USP35: variants seen among roughly 807,000 people sequenced by gnomAD.
USP35 encodes ubiquitin carboxyl-terminal hydrolase 35.
USP35 carries 69 observed loss-of-function variants against 83.8 expected under a neutral mutation model. The ratio of observed to expected loss-of-function variants is 0.82; its 90% confidence interval spans 0.68 to 1.01. The LOEUF is 1.01. Ranked by LOEUF, USP35 falls within the 50% of genes least tolerant of loss-of-function variation. The pLI is 0.00. For missense variants in USP35, 1,503 were observed against 1,362.5 expected (o/e 1.10, Z -1.62); for synonymous variants, 714 against 589.5 (o/e 1.21, Z -3.06).
downstream of USP35, chr11:78,216,365 G>A (rs892991887): frequency 5.3e-5 from 8 of 152,172 alleles, no homozygotes; most frequent in African/African-American, 1.9e-4. Flanking sequence ...AGGAGAGGTG[G>A]ACTTTGACCC....
the USP35 span, among the ~76,000 whole-genome samples, chr11:78,231,652 C>T: frequency 6.6e-6 from 1 of 152,168 alleles, no homozygotes; most frequent in Admixed American, 6.5e-5. Context: ...CCGGCCTTCC[C>T]TTGGCTTTTA....
Position 78,196,078 on chromosome 11 carries a change from C to T in USP35, c.-10-158C>T, listed in dbSNP as rs1473568919. On this transcript the variant is annotated intron_variant, in intron 1 of 10. Transcript: ENST00000529308. The surrounding 1 kb of genome is among the most constrained non-coding windows in gnomAD (Gnocchi z 4.8). ...TGTGCTTTATTTCATCAGGATAGCT[C>T]TCAGTGAAATGACGCCCTTGCCCCA... Among the ~76,000 whole-genome samples, 1 of 152,190 alleles carries T rather than the reference C, an allele frequency of 6.6e-6. No individual in the cohort carries two copies. The highest frequency in any genetic ancestry group is 2.4e-5 in the African/African-American group (1 of 41,446).
intron 1 of USP35, among the ~76,000 whole-genome samples, chr11:78,193,906 C>CTTCA (rs1863070212): frequency 6.6e-6 from 1 of 152,252 alleles, no homozygotes; most frequent in Non-Finnish European, 1.5e-5. Flanking sequence ...TCTTGCCTTA[C>CTTCA]TTCACCCTTG....
At chr11:78,220,416 G>A in the USP35 span, 1 of 1,590,382 alleles carries the variant, frequency 6.3e-7, no homozygotes, top group Non-Finnish European at 8.6e-7. Context: ...CGTGCCACTG[G>A]GAACGGGAGA....
In USP35 at chr11:78,209,447, G is replaced by A. The variant is rs1168654553; in HGVS notation, c.1593-1G>A. On this transcript the variant is annotated splice_acceptor_variant, in intron 9 of 10. Coordinates refer to ENST00000529308, the MANE Select transcript of USP35 (RefSeq NM_020798.4). LOFTEE classifies it high-confidence loss of function. ...TAGTGACTCTGTGCTCTCTGCCCCA[G>A]GCTGCACGAAGAGGAGAAAACGGGC... 1.3e-6 allele frequency: 2 copies of A among 1,596,528 alleles called. No individual in the cohort carries two copies. The highest frequency in any genetic ancestry group is 2.7e-5 in the African/African-American group (2 of 74,666).
the USP35 span, chr11:78,221,636 G>A: frequency 1.6e-6 from 2 of 1,270,626 alleles, no homozygotes; most frequent in East Asian, 2.3e-5. Context: ...GGTCCCAGGG[G>A]ACTTGAAAGG....
the USP35 span, among the ~76,000 whole-genome samples, chr11:78,227,819 CACAA>C: frequency 7.2e-5 from 11 of 152,096 alleles, no homozygotes; most frequent in Admixed American, 5.9e-4. Flanking sequence ...CACGCCCCAA[CACAA>C]ACAAACAACA....
chr11:78,210,218 T>C lies in USP35; in HGVS notation c.2363T>C (p.Leu788Pro), dbSNP rs1267196927. The part of the protein sequence containing the change: ...NRYYCESCAS[L>P]QDAEKVVELS... ...TACTACTGCGAGTCGTGTGCCTCCC[T>C]GCAGGATGCCGAGAAGGTGGTGGAG... The change falls in exon 10 of 11, where the codon CTG (leucine) becomes CCG (proline). Residue 788 changes from leucine (L) to proline (P), a missense_variant. Transcript: ENST00000529308. The C allele has an allele frequency of 3.1e-6, 5 of 1,613,916 alleles. No homozygotes were observed. Among genetic ancestry groups the C allele is most frequent in the Non-Finnish European group, 4.2e-6 (5 of 1,180,020 alleles).
chr11:78,232,449 C>T, the USP35 span, among the ~76,000 whole-genome samples: 106 of 152,278 alleles, frequency 7.0e-4, no homozygotes, highest in African/African-American at 2.4e-3. Context: ...AAAAATAAGT[C>T]CAGTGAAACC....
the USP35 span, among the ~76,000 whole-genome samples, chr11:78,221,334 TCA>T: frequency 1.3e-5 from 2 of 152,180 alleles, no homozygotes; most frequent in Non-Finnish European, 2.9e-5. Context: ...CGTATGCCTC[TCA>T]CCACTGAGGA....
intron 6 of USP35, 26 bp from the exon 7 acceptor site, chr11:78,205,816 T>C (rs1299998177): frequency 1.9e-6 from 3 of 1,589,808 alleles, no homozygotes; most frequent in East Asian, 4.5e-5. Flanking sequence ...CCCACCATCC[T>C]GCCTGCCTGC....
chr11:78,230,980 G>C, the USP35 span, among the ~76,000 whole-genome samples: 1 of 152,188 alleles, frequency 6.6e-6, no homozygotes, highest in African/African-American at 2.4e-5. Flanking sequence ...TTTGGAGAGA[G>C]GCTTCTCTTC....
intron 8 of USP35, among the ~76,000 whole-genome samples, chr11:78,208,147 C>T (rs1004656403): frequency 3.3e-5 from 5 of 152,158 alleles, no homozygotes; most frequent in African/African-American, 9.7e-5. Flanking sequence ...GGAAAGCAAA[C>T]GGCCTGTGAT....
At position 78,210,009 on chromosome 11, in the gene USP35, G is replaced by T. The variant is rs1434033150; in HGVS notation, c.2154G>T (p.Lys718Asn). ...AGGAGGTGGAAGAGGAAGAAGAGAA[G>T]GTGGAGAAGGAGACAGAAAAGGAGG... ...KEEEVEEEEE[K>N]VEKETEKEAE... The change falls in exon 10 of 11, where the codon AAG becomes AAT. Residue 718 changes from lysine to asparagine, a missense_variant. By Grantham distance (94) the Lys-to-Asn change is moderately conservative. Transcript: ENST00000529308. The T allele has an allele frequency of 1.9e-6, 3 of 1,613,460 alleles. No homozygotes were observed. Among genetic ancestry groups the T allele is most frequent in the Middle Eastern group, 1.6e-4 (1 of 6,078 alleles).
chr11:78,213,523 G>GTC, intron 10 of USP35, 123 bp from the exon 11 acceptor site: 1 of 1,161,594 alleles, frequency 8.6e-7, no homozygotes, highest in Non-Finnish European at 1.1e-6. Flanking sequence ...GAGCTGCAAT[G>GTC]TCTCTGTGTG....
rs1171740663 is a variant in USP35 at position 78,196,450 on chromosome 11, G to T, written c.205G>T (p.Gly69Cys). 4 of 1,266,176 alleles carry T rather than the reference G, an allele frequency of 3.2e-6. No homozygotes were observed. Among genetic ancestry groups the T allele is most frequent in the African/African-American group, 1.6e-5 (1 of 62,312 alleles). The allele number at this position is 1,266,176 out of a possible 1,614,324, so 78.4% of individuals were successfully genotyped here. The stretch of plus-strand genomic sequence containing the variant: ...GGGCTGCCAGCTGCTGCACGTGGCC[G>T]GCCGCCACCACCCCGACGTCTTCGC... ...RVGCQLLHVA[G>C]RHHPDVFAEF... The change falls in exon 2 of 11, where the codon GGC (glycine) becomes TGC (cysteine). Residue 69 changes from glycine to cysteine, a missense_variant. Physicochemically the swap from Gly to Cys is radical, Grantham distance 159. Coordinates refer to ENST00000529308, the MANE Select transcript of USP35 (RefSeq NM_020798.4). The surrounding 1 kb of genome is among the most constrained non-coding windows in gnomAD (Gnocchi z 4.8).
At chr11:78,215,462 A>ATACAACAGAATAAATTAATAACT (rs2134437311), downstream of USP35, 1 of 152,754 alleles carries the variant, frequency 6.5e-6, no homozygotes, top group Non-Finnish European at 1.5e-5. Context: ...AAAAAAAAGA[A>ATACAACAGAATAAATTAATAACT]TACAACAGAA....
rs900774546 is a variant in USP35, at chr11:78,188,979, G to A, written c.-189G>A. On this transcript the variant is annotated 5_prime_UTR_variant, in exon 1 of 11. Coordinates refer to ENST00000529308, the MANE Select transcript of USP35 (RefSeq NM_020798.4). ...GATACATAGAGGCTTGTGCCAGGCGGGGTGGGAAGACTGGATTTTGCAGTG... is the reference window on the plus strand; with the variant it reads ...GATACATAGAGGCTTGTGCCAGGCGAGGTGGGAAGACTGGATTTTGCAGTG... 1 of 983,442 alleles carries A rather than the reference G, an allele frequency of 1.0e-6. No homozygotes were observed. Among genetic ancestry groups the A allele is most frequent in the Non-Finnish European group, 1.2e-6 (1 of 828,152 alleles). 60.9% of individuals were successfully genotyped at this position (983,442 alleles called of 1,614,324 possible). A position where few individuals can be genotyped will look rare whatever the true frequency, so the allele number is the denominator to read the frequency against.
the USP35 span, chr11:78,222,161 G>A: frequency 4.3e-6 from 7 of 1,613,828 alleles, no homozygotes; most frequent in African/African-American, 4.0e-5. Context: ...CATCGATGAC[G>A]GTGTTGTTCC....
Sources: allele counts gnomAD v4.1 joint callset (sites outside exome capture counted in the v4.1 genomes callset), GRCh38; gene constraint gnomAD v4.1.1; non-coding constraint Gnocchi (gnomAD v3.1); transcripts MANE v1.5; gene names NCBI Gene and HGNC (gene_info 2026-07-23, HGNC 2026-07-21).